The following SHANK1 variants were observed in gnomAD, a reference collection of about 807,000 sequenced individuals.
SHANK1 encodes the protein SH3 and multiple ankyrin repeat domains 1.
Under a neutral mutation model 165.6 loss-of-function variants are expected in SHANK1, and 35 were observed. That is an observed-to-expected ratio of 0.21 (90% confidence interval 0.16 to 0.28). SHANK1 has a LOEUF of 0.28. SHANK1 is among the 10% of genes least tolerant of loss of function. The pLI, the probability that SHANK1 is intolerant of heterozygous loss-of-function variation, is 1.00. For synonymous variants in SHANK1, 1,428 were observed against 1,384.8 expected, an observed-to-expected ratio of 1.03 and a Z score of -0.69; for missense variants, 2,681 against 3,036.4, an observed-to-expected ratio of 0.88 and a Z score of 2.75.
intron 15 of SHANK1, among the ~76,000 whole-genome samples, chr19:50,693,815 A>C (rs1986625736): frequency 6.6e-6 from 1 of 152,162 alleles, no homozygotes; most frequent in Non-Finnish European, 1.5e-5. Context: ...CCACATGGGC[A>C]GAGGGCAGAG....
intron 19 of SHANK1, 69 bp downstream of exon 19, chr19:50,687,513 C>A: frequency 7.9e-7 from 1 of 1,270,678 alleles, no homozygotes; most frequent in Non-Finnish European, 1.1e-6. Context: ...CTAACGAACT[C>A]AAGGGATGGT....
Position 50,716,251 on chromosome 19 carries a change from G to T in SHANK1, c.459+24C>A. ...TTTTAGGGCATGCCTTCTCTTATCA[G>T]TGAAGGAGTTGGGGAAGCTTCACCT... is the stretch of plus-strand genomic sequence containing the variant. On this transcript the variant is annotated intron_variant, in intron 3 of 23. Transcript: ENST00000293441. The surrounding 1 kb of genome is among the most constrained non-coding windows in gnomAD (Gnocchi z 8.4). The T allele has an allele frequency of 6.2e-7, 1 of 1,607,926 alleles. No homozygotes were observed. The highest frequency in any genetic ancestry group is 8.5e-7 in the Non-Finnish European group (1 of 1,174,684).
At chr19:50,710,757 G>A (rs1232017730) in intron 8 of SHANK1, among the ~76,000 whole-genome samples, 1 of 152,176 alleles carries the variant, frequency 6.6e-6, no homozygotes, top group Non-Finnish European at 1.5e-5. Flanking sequence ...TCCCTTCAGG[G>A]GCCACGGGGG....
Position 50,667,863 on chromosome 19 carries a change from T to C in SHANK1, c.4097A>G (p.Glu1366Gly). 7.6e-7 allele frequency: 1 copy of C among 1,309,338 alleles called. No homozygotes were observed. Among genetic ancestry groups the C allele is most frequent in the Non-Finnish European group, 9.7e-7 (1 of 1,033,122 alleles). The allele number at this position is 1,309,338 out of a possible 1,614,324, so 81.1% of individuals were successfully genotyped here. A position where few individuals can be genotyped will look rare whatever the true frequency, so the allele number is the denominator to read the frequency against. The change falls in exon 23 of 24, where the codon GAG (glutamate) becomes GGG (glycine). Residue 1366 changes from glutamate to glycine, a missense_variant. Physicochemically the swap from Glu to Gly is moderately conservative, Grantham distance 98 (BLOSUM62 -2). Around this residue, in one of 10 missense-constraint regions of SHANK1, gnomAD observed 1,713 missense variants for 1,630.2 expected, o/e 1.05. Coordinates refer to ENST00000293441, the MANE Select transcript of SHANK1 (RefSeq NM_016148.5). This position sits in a 1 kb window ranked among gnomAD's most constrained non-coding sequence, Gnocchi z 5.7. ...GGGGGCCCCGCCGCCCTCCGAGGAC[T>C]CCTTCAGCGCTCGCTCGCGGGCGGC... ...ALAARERALK[E>G]SSEGGGAPQP...
At chr19:50,703,418 G>A in intron 11 of SHANK1, 82 bp downstream of exon 11, 1 of 1,214,332 alleles carries the variant, frequency 8.2e-7, no homozygotes, top group Non-Finnish European at 1.1e-6. Flanking sequence ...AAGGCAGCTG[G>A]GCTGGCCTCG....
intron 21 of SHANK1, among the ~76,000 whole-genome samples, chr19:50,677,134 T>C (rs1366014624): frequency 6.6e-6 from 1 of 151,418 alleles, no homozygotes; most frequent in Non-Finnish European, 1.5e-5. Context: ...ATACTTTTTT[T>C]TTTTTTTTTT....
intron 7 of SHANK1, 83 bp downstream of exon 7, chr19:50,711,864 A>T: frequency 6.7e-7 from 1 of 1,494,966 alleles, no homozygotes; most frequent in South Asian, 1.1e-5. Context: ...GGACCCTGGC[A>T]TCTGGTTCCC....
intron 8 of SHANK1, 40 bp from the exon 9 acceptor site, chr19:50,704,554 G>T: frequency 6.4e-7 from 1 of 1,568,096 alleles, no homozygotes; most frequent in Non-Finnish European, 8.8e-7. Flanking sequence ...AAGAGAGAGA[G>T]AAAAAATTAA....
At chr19:50,679,279 G>A (rs1986094966) in intron 21 of SHANK1, among the ~76,000 whole-genome samples, 1 of 151,488 alleles carries the variant, frequency 6.6e-6, no homozygotes, top group Admixed American at 6.6e-5. Context: ...GTGAGGGGGA[G>A]GGGTGTCCCC....
chr19:50,668,516 C>A lies in SHANK1; in HGVS notation c.3444G>T (p.Ser1148=). The A allele has an allele frequency of 7.4e-7, 1 of 1,347,200 alleles. No individual in the cohort carries two copies. Among genetic ancestry groups the A allele is most frequent in the Non-Finnish European group, 9.5e-7 (1 of 1,049,620 alleles). The allele number at this position is 1,347,200 out of a possible 1,614,324, so 83.5% of individuals were successfully genotyped here. Residue 1148 remains serine, a synonymous_variant, in exon 23 of 24, where the codon TCG becomes TCT. Transcript: ENST00000293441. The stretch of plus-strand genomic sequence containing the variant: ...TGGGGATGGGGATGGAGTTCTTCTC[C>A]GAGGGCGCGGCCACGGCGGGCGGCG... ...PQPPPAVAAP[S]EKNSIPIPTI...
intron 21 of SHANK1, 93 bp from the exon 22 acceptor site, chr19:50,672,207 C>G: frequency 1.0e-6 from 1 of 993,952 alleles, no homozygotes; most frequent in Non-Finnish European, 1.5e-6. Flanking sequence ...ACGGCTGCCC[C>G]CATTCCTTCC....
chr19:50,672,203 GC>G, intron 21 of SHANK1, 89 bp from the exon 22 acceptor site: 2 of 1,057,676 alleles, frequency 1.9e-6, no homozygotes, highest in Non-Finnish European at 1.4e-6. Context: ...CTATACGGCT[GC>G]CCCCATTCCT....
In SHANK1 at chr19:50,666,223, G is replaced by A; in HGVS notation, c.5737C>T (p.Pro1913Ser). The change falls in exon 23 of 24, where the codon CCC becomes TCC. Residue 1913 changes from proline to serine, a missense_variant. Physicochemically the swap from Pro to Ser is moderately conservative, Grantham distance 74 (BLOSUM62 -1). This residue lies in a region of SHANK1 where 1,713 missense variants were observed against 1,630.2 expected (regional missense o/e 1.05). Transcript: ENST00000293441. ...CGCTGCAGGGAGGAGGTCCTCTCGG[G>A]GACATAGCTGGCTCCCCCGTGGTGG... ...DSHHGGASYV[P>S]ERTSSLQRQR... is the part of the protein sequence containing the mutation. 3 of 1,606,534 alleles carry A rather than the reference G, an allele frequency of 1.9e-6. No individual in the cohort carries two copies. Among genetic ancestry groups the A allele is most frequent in the Non-Finnish European group, 2.5e-6 (3 of 1,177,202 alleles).
Position 50,667,101 on chromosome 19 carries a change from G to A in SHANK1, c.4859C>T (p.Thr1620Ile). ...GTCATAGGATGTCAGGCTGGATGCG[G>A]TGGAGTCCAGGGTGGGAGGGGCTGC... ...VAAAPPTLDS[T>I]ASSLTSYDSE... The change falls in exon 23 of 24, where the codon ACC becomes ATC. Residue 1620 changes from threonine (T) to isoleucine (I), a missense_variant. Coordinates refer to ENST00000293441, the MANE Select transcript of SHANK1 (RefSeq NM_016148.5). This position sits in a 1 kb window ranked among gnomAD's most constrained non-coding sequence, Gnocchi z 5.7. The A allele has an allele frequency of 1.3e-6, 2 of 1,558,388 alleles. No homozygotes were observed. The highest frequency in any genetic ancestry group is 1.2e-5 in the South Asian group (1 of 85,832).
chr19:50,715,599 G>T, intron 4 of SHANK1, 60 bp downstream of exon 4: 3 of 1,463,880 alleles, frequency 2.0e-6, no homozygotes, highest in African/African-American at 1.4e-5. Flanking sequence ...GAAAGTGGTT[G>T]GGTAGGGGGC....
At position 50,717,000 on chromosome 19, in the gene SHANK1, G is replaced by A. The variant is rs1599876143; in HGVS notation, c.-43-38C>T. On this transcript the variant is annotated intron_variant, in intron 1 of 23. Transcript: ENST00000293441. The surrounding 1 kb of genome is among the most constrained non-coding windows in gnomAD (Gnocchi z 8.4). ...AGGGCGGCCATCAGACTAGGAGCCCGGGACCCCTCAGAGGCCGCAGGCGCT... is the reference window on the plus strand; with the variant it reads ...AGGGCGGCCATCAGACTAGGAGCCCAGGACCCCTCAGAGGCCGCAGGCGCT... The A allele has an allele frequency of 5.1e-6, 7 of 1,372,004 alleles. No homozygotes were observed. Among genetic ancestry groups the A allele is most frequent in the African/African-American group, 1.5e-5 (1 of 67,786 alleles). The allele number at this position is 1,372,004 out of a possible 1,614,324, so 85.0% of individuals were successfully genotyped here.
intron 8 of SHANK1, among the ~76,000 whole-genome samples, chr19:50,707,734 C>T (rs1192503856): frequency 6.6e-6 from 1 of 151,890 alleles, no homozygotes; most frequent in Non-Finnish European, 1.5e-5. Context: ...ACTCTGACTG[C>T]CAAAGTCACA....
At chr19:50,669,857 C>T (rs758174818) in intron 22 of SHANK1, among the ~76,000 whole-genome samples, 28 of 152,098 alleles carry the variant, frequency 1.8e-4, no homozygotes, top group African/African-American at 5.8e-4. Context: ...GGACTTTGAA[C>T]GCCAGGAGTT....
chr19:50,698,089 G>T (rs1475178646), intron 12 of SHANK1, 133 bp from the exon 13 acceptor site: 1 of 674,684 alleles, frequency 1.5e-6, no homozygotes, highest in Non-Finnish European at 2.6e-6. Flanking sequence ...AACATCTGAG[G>T]AAGGGGCGAG....
Sources: gnomAD v4.1 joint callset for allele counts (sites outside exome capture counted in the v4.1 genomes callset) on GRCh38, gnomAD v4.1.1 for gene constraint, gnomAD v4.1.1 regional missense constraint, Gnocchi (gnomAD v3.1) non-coding constraint, MANE v1.5 for transcripts, NCBI Gene and HGNC (gene_info 2026-07-23, HGNC 2026-07-21) for gene names.